GREB1: variants seen among roughly 807,000 people sequenced by gnomAD.
GREB1 encodes growth regulating estrogen receptor binding 1, also known as protein GREB1.
In GREB1, 106 loss-of-function variants were observed where a neutral mutation model predicts 200.7. The ratio of observed to expected loss-of-function variants is 0.53; its 90% CI spans 0.45 to 0.62. The LOEUF (loss-of-function observed/expected upper bound fraction) is 0.62, where lower values mean the gene tolerates loss of function less well. GREB1 is among the 20% of genes least tolerant of loss of function. GREB1 has a pLI of 0.00. For synonymous variants in GREB1, 1,132 were observed against 1,092.4 expected, an observed-to-expected ratio of 1.04 and a Z score of -0.72; for missense variants, 2,243 against 2,556.8, an observed-to-expected ratio of 0.88 and a Z score of 2.65.
Position 11,627,016 on chromosome 2 carries a change from G to A in GREB1, c.4361G>A (p.Arg1454Gln), listed in dbSNP as rs374261984. Residue 1454 changes from arginine (R) to glutamine (Q), a missense_variant, in exon 25 of 33, where the codon CGG (arginine) becomes CAG (glutamine). Physicochemically the swap from Arg to Gln is conservative, Grantham distance 43. Around this residue, in one of 3 missense-constraint regions of GREB1, gnomAD observed 587 missense variants for 553.1 expected, o/e 1.06. Coordinates refer to ENST00000381486, the MANE Select transcript of GREB1 (RefSeq NM_014668.4). The part of the protein sequence containing the change: ...EDLYVRRQTA[R>Q]MRLSKYAAYN... ...CTTTATGTGCGGCGTCAGACGGCAC[G>A]GATGAGACTGTCCAAGTACGCAGCG... 75 of 1,613,896 alleles carry A rather than the reference G, an allele frequency of 4.6e-5. No homozygotes were observed. The highest frequency in any genetic ancestry group is 1.6e-4 in the Middle Eastern group (1 of 6,082).
At chr2:11,513,899 T>G (rs1673417745) in intron 1 of GREB1, among the ~76,000 whole-genome samples, 2 of 152,170 alleles carry the variant, frequency 1.3e-5, no homozygotes, top group Non-Finnish European at 2.9e-5. Context: ...TTCTGAGTAA[T>G]AATCTGTGGC....
intron 1 of GREB1, among the ~76,000 whole-genome samples, chr2:11,509,163 C>G (rs10192123): frequency 0.99 from 151,277 of 152,188 alleles, 75,197 homozygotes; most frequent in Non-Finnish European, 1. Flanking sequence ...TATGAGCCAC[C>G]GCGCCCGGCC....
intron 2 of GREB1, among the ~76,000 whole-genome samples, chr2:11,557,677 C>T (rs538514197): frequency 6.6e-6 from 1 of 152,298 alleles, no homozygotes; most frequent in East Asian, 1.9e-4. Flanking sequence ...GTTGCTTATT[C>T]TAGCAGGAGG....
chr2:11,537,381 T>G (rs1232928822), intron 1 of GREB1, among the ~76,000 whole-genome samples: 1 of 152,088 alleles, frequency 6.6e-6, no homozygotes, highest in Non-Finnish European at 1.5e-5. Context: ...ATGTGCCAGG[T>G]ACCATGCTAA....
At position 11,618,392 on chromosome 2, in the gene GREB1, C is replaced by G. The variant is rs1379734505; in HGVS notation, c.3517C>G (p.Pro1173Ala). The G allele has an allele frequency of 6.2e-7, 1 of 1,611,574 alleles. No individual in the cohort carries two copies. The highest frequency in any genetic ancestry group is 8.5e-7 in the Non-Finnish European group (1 of 1,179,406). The change falls in exon 22 of 33, where the codon CCT (proline) becomes GCT (alanine). Residue 1173 changes from proline (P) to alanine (A), a missense_variant. Pro to Ala is a conservative substitution (Grantham distance 27). Coordinates refer to ENST00000381486, the MANE Select transcript of GREB1 (RefSeq NM_014668.4). ...TGGCCCCGCAGAGGAGGGCAGAGCC[C>G]CTGGTGAGAAACAGAGGCCCCGGGC... is the stretch of plus-strand genomic sequence containing the variant. The part of the protein sequence containing the change: ...PRGPAEEGRA[P>A]GEKQRPRASQ...
At chr2:11,495,795 C>CATTTTTTT (rs1393933225) in intron 1 of GREB1, among the ~76,000 whole-genome samples, 1 of 140,470 alleles carries the variant, frequency 7.1e-6, no homozygotes, top group Non-Finnish European at 1.6e-5. Flanking sequence ...TAAGTCCCCC[C>CATTTTTTT]GTTTTTTTTT....
intron 15 of GREB1, among the ~76,000 whole-genome samples, chr2:11,599,711 A>G (rs912616363): frequency 1.3e-4 from 19 of 151,970 alleles, no homozygotes; most frequent in Admixed American, 5.2e-4. Context: ...TAGTAGAGAC[A>G]GGGTTTCACC....
At chr2:11,595,158 C>A in intron 11 of GREB1, 93 bp from the exon 12 acceptor site, 2 of 1,158,378 alleles carry the variant, frequency 1.7e-6, no homozygotes, top group Non-Finnish European at 2.5e-6. Flanking sequence ...TGGGAAATGT[C>A]AAGTCTAGAA....
intron 1 of GREB1, among the ~76,000 whole-genome samples, chr2:11,546,750 T>G (rs113454446): frequency 0.018 from 2,735 of 152,246 alleles, 89 homozygotes; most frequent in African/African-American, 0.063. Context: ...GCTTTTTGTG[T>G]GAATGCAGGC....
At chr2:11,494,157 T>TA (rs1381805948) in intron 1 of GREB1, among the ~76,000 whole-genome samples, 1 of 152,192 alleles carries the variant, frequency 6.6e-6, no homozygotes, top group Non-Finnish European at 1.5e-5. Flanking sequence ...GTTTTTGTCT[T>TA]ACTCCAAAGT....
chr2:11,525,590 G>A (rs961239278), intron 1 of GREB1, among the ~76,000 whole-genome samples: 5 of 151,944 alleles, frequency 3.3e-5, no homozygotes, highest in Non-Finnish European at 7.4e-5. Context: ...ATTGACTTGG[G>A]CCTCAGTTGG....
At chr2:11,612,057 G>A (rs6750256) in intron 18 of GREB1, among the ~76,000 whole-genome samples, 3,200 of 152,176 alleles carry the variant, frequency 0.021, 125 homozygotes, top group African/African-American at 0.072. Flanking sequence ...AGCCAGATGG[G>A]GTGGCGTGCG....
At chr2:11,620,344 A>G (rs957017326) in intron 22 of GREB1, among the ~76,000 whole-genome samples, 3 of 152,182 alleles carry the variant, frequency 2.0e-5, no homozygotes, top group Admixed American at 2.0e-4. Flanking sequence ...CTCAATCAGT[A>G]ATAACCAAAA....
At position 11,618,303 on chromosome 2, in the gene GREB1, G is replaced by A. The variant is rs145454387; in HGVS notation, c.3428G>A (p.Gly1143Asp). ...CTCTCCTCAGGTTCAGCGCTCGGTG[G>A]CGAGTCCTCGGCTCAGCCCACAGCA... ...SSKASGSALG[G>D]ESSAQPTALP... The change falls in exon 22 of 33, where the codon GGC becomes GAC. Residue 1143 changes from glycine (G) to aspartate (D), a missense_variant. Transcript: ENST00000381486. 0.017 allele frequency: 26,458 copies of A among 1,564,948 alleles called. 371 individuals are homozygous for A. Among genetic ancestry groups the A allele is most frequent in the Middle Eastern group, 0.048 (274 of 5,748 alleles).
At chr2:11,531,078 TG>T (rs896803212), upstream of GREB1, among the ~76,000 whole-genome samples, 6 of 152,286 alleles carry the variant, frequency 3.9e-5, no homozygotes, top group African/African-American at 1.4e-4. Context: ...TTGGAGGGTG[TG>T]GGCAGGTGCC....
rs139599876 is a variant in GREB1, at chr2:11,500,792, C to T, written c.-159+18411C>T. ...TCATAAGCAAATAATGGGGACTTTA[C>T]ATATTGACAGCAGGGAATGGTAAGA... On this transcript the variant is annotated intron_variant, in intron 1 of 2. Coordinates refer to the GREB1 transcript ENST00000628795. Among the ~76,000 whole-genome samples the T allele has an allele frequency of 5.8e-3, 881 of 152,252 alleles. 12 individuals are homozygous for T. Among genetic ancestry groups the T allele is most frequent in the Non-Finnish European group, 7.9e-3 (535 of 68,026 alleles).
chr2:11,484,948 C>T (rs1165979339), intron 1 of GREB1, among the ~76,000 whole-genome samples: 1 of 152,206 alleles, frequency 6.6e-6, no homozygotes, highest in Non-Finnish European at 1.5e-5. Context: ...CGGGTTCACG[C>T]CATTCTCCTG....
In GREB1 at chr2:11,580,692, A is replaced by C. The variant is rs762978702; in HGVS notation, c.773-12A>C. 9.4e-6 allele frequency: 15 copies of C among 1,602,690 alleles called. No individual in the cohort carries two copies. The highest frequency in any genetic ancestry group is 1.2e-5 in the Non-Finnish European group (14 of 1,172,246). ...GAACTGACCCTCCTCTTTGCCTTCTATCTGTTTTCAGGACCAGCTTCTGAT... is the reference window on the plus strand; with the variant it reads ...GAACTGACCCTCCTCTTTGCCTTCTCTCTGTTTTCAGGACCAGCTTCTGAT... On this transcript the variant is annotated splice_polypyrimidine_tract_variant and intron_variant, in intron 6 of 32. Transcript: ENST00000381486. This position sits in a 1 kb window ranked among gnomAD's most constrained non-coding sequence, Gnocchi z 4.5.
Position 11,493,273 on chromosome 2 carries a change from T to G in GREB1, c.-159+10892T>G, listed in dbSNP as rs115519112. ...GCCCCCAACCTTTTTGGCACCAGGGTCCAGTTTCATGGAAGACAATTTTTC... is the reference window on the plus strand; with the variant it reads ...GCCCCCAACCTTTTTGGCACCAGGGGCCAGTTTCATGGAAGACAATTTTTC... On this transcript the variant is annotated intron_variant, in intron 1 of 2. Coordinates refer to the GREB1 transcript ENST00000628795. This position sits in a 1 kb window ranked among gnomAD's most constrained non-coding sequence, Gnocchi z 4.6. Among the ~76,000 whole-genome samples, 1,176 of 152,204 alleles carry G rather than the reference T, an allele frequency of 7.7e-3. 21 individuals carry two copies. Among genetic ancestry groups the G allele is most frequent in the African/African-American group, 0.025 (1,058 of 41,528 alleles).
Sources: gnomAD v4.1 joint callset for allele counts (sites outside exome capture counted in the v4.1 genomes callset) on GRCh38, gnomAD v4.1.1 for gene constraint, gnomAD v4.1.1 regional missense constraint, Gnocchi (gnomAD v3.1) non-coding constraint, MANE v1.5 for transcripts, NCBI Gene and HGNC (gene_info 2026-07-23, HGNC 2026-07-21) for gene names.